Variants in FXR1 observed in about 807,000 individuals in gnomAD.
FXR1 encodes the protein FMR1 autosomal homolog 1, also known as RNA-binding protein FXR1.
A neutral mutation model predicts 84.0 loss-of-function variants in FXR1; 15 were observed. The observed-to-expected ratio is 0.18, with a 90% CI of 0.12 to 0.27. The LOEUF (loss-of-function observed/expected upper bound fraction) is 0.27. FXR1 is among the 10% of genes least tolerant of loss of function. The pLI is 1.00. For missense variants in FXR1, 480 were observed against 774.4 expected (o/e 0.62, Z 4.51); for synonymous variants, 245 against 250.7 (o/e 0.98, Z 0.21).
In FXR1 at chr3:180,977,679, C is replaced by T. The variant is rs1296403193; in HGVS notation, c.*1387C>T. 6.6e-6 allele frequency: 1 copy of T among 152,034 alleles called. No individual in the cohort carries two copies. Among genetic ancestry groups the T allele is most frequent in the African/African-American group, 2.4e-5 (1 of 41,408 alleles). The allele number at this position is 152,034 out of a possible 1,614,324, so 9.4% of individuals were successfully genotyped here. A position where few individuals can be genotyped will look rare whatever the true frequency, so the allele number is the denominator to read the frequency against. On this transcript the variant is annotated 3_prime_UTR_variant, in exon 17 of 17. Coordinates refer to ENST00000357559, the MANE Select transcript of FXR1 (RefSeq NM_005087.4). ...GTTAGACATAGGGGAAGGCTTTGTT[C>T]CACAATATTATATGGACCACTGAAC...
Position 180,981,490 on chromosome 3 carries a change from A to G in FXR1, c.*5198A>G, listed in dbSNP as rs1714606693. 1 of 152,050 alleles carries G rather than the reference A, an allele frequency of 6.6e-6. No individual in the cohort carries two copies. Among genetic ancestry groups the G allele is most frequent in the African/African-American group, 2.4e-5 (1 of 41,436 alleles). 9.4% of individuals were successfully genotyped at this position (152,050 alleles called of 1,614,324 possible). A position where few individuals can be genotyped will look rare whatever the true frequency, so the allele number is the denominator to read the frequency against. ...CCATTATAGCTCACTTCTTACCAAC[A>G]AAGCAGTTTTTATACAGCACCTTAG... On this transcript the variant is annotated 3_prime_UTR_variant, in exon 17 of 17. Coordinates refer to ENST00000357559, the MANE Select transcript of FXR1 (RefSeq NM_005087.4).
intron 1 of FXR1, among the ~76,000 whole-genome samples, chr3:180,916,703 G>A (rs1210198615): frequency 6.6e-6 from 1 of 152,040 alleles, no homozygotes. Flanking sequence ...CACCACGCCC[G>A]ACCATGAGTA....
intron 15 of FXR1, chr3:180,971,208 T>TA: frequency 3.5e-6 from 2 of 568,288 alleles, no homozygotes; most frequent in Non-Finnish European, 5.0e-6. Flanking sequence ...GAAAAAAATG[T>TA]CTATGTCTGC....
rs1440705313 is a variant in FXR1, at chr3:180,942,378, A to C, written c.199-5487A>C. Among the ~76,000 whole-genome samples, 5 of 68,152 alleles carry C rather than the reference A, an allele frequency of 7.3e-5. No individual in the cohort carries two copies. The South Asian group carries it at 2.1e-3, about 28-fold the overall frequency. The allele number at this position is 68,152 out of a possible 152,430, so 44.7% of individuals were successfully genotyped here. On this transcript the variant is annotated intron_variant, in intron 3 of 16. Coordinates refer to ENST00000357559, the MANE Select transcript of FXR1 (RefSeq NM_005087.4). Reference sequence around the variant, plus strand: ...GGGCGACAGAGCGAGACTCCGTCTCAAAAAAAAAAAAAAAAAAAAAAAAAA... The same window carrying C: ...GGGCGACAGAGCGAGACTCCGTCTCCAAAAAAAAAAAAAAAAAAAAAAAAA...
rs1714497894 is a variant in FXR1 at position 180,979,418 on chromosome 3, GT to G, written c.*3130del. On this transcript the variant is annotated 3_prime_UTR_variant, in exon 17 of 17. Transcript: ENST00000357559. ...CTTGGATTTGAACTGTGAATCTACT[GT>G]TTTGGCAAAAAATCTCAAAGAAAAG... 6.6e-6 allele frequency: 1 copy of G among 152,052 alleles called. No individual in the cohort carries two copies. The highest frequency in any genetic ancestry group is 6.6e-5 in the Admixed American group (1 of 15,256). The allele number at this position is 152,052 out of a possible 1,614,324, so 9.4% of individuals were successfully genotyped here.
intron 6 of FXR1, 123 bp downstream of exon 6, chr3:180,948,937 T>C: frequency 1.5e-6 from 1 of 647,066 alleles, no homozygotes; most frequent in Non-Finnish European, 2.8e-6. Flanking sequence ...TAATATAGTG[T>C]GGGAGAAAAA....
chr3:180,964,673 T>TTTTATA (rs148208441), intron 13 of FXR1, among the ~76,000 whole-genome samples: 5 of 136,356 alleles, frequency 3.7e-5, no homozygotes, highest in East Asian at 2.1e-4. Context: ...TGTAGTTGAT[T>TTTTATA]TATATATATA....
In FXR1 at chr3:180,948,344, T is replaced by C. The variant is rs1211943090; in HGVS notation, c.271-3T>C. The C allele has an allele frequency of 1.9e-6, 3 of 1,579,516 alleles. No homozygotes were observed. Among genetic ancestry groups the C allele is most frequent in the Non-Finnish European group, 1.7e-6 (2 of 1,155,738 alleles). ...ATTTTTAAAGTATTTTGATGTCTTT[T>C]AGTTTTATGTCATTGAATATGCTGC... On this transcript the variant is annotated splice_region_variant and splice_polypyrimidine_tract_variant and intron_variant, in intron 4 of 16. Transcript: ENST00000357559.
chr3:180,958,018 A>G, intron 10 of FXR1, 90 bp downstream of exon 10: 1 of 535,910 alleles, frequency 1.9e-6, no homozygotes, highest in Non-Finnish European at 3.4e-6. Context: ...TTTATCTGAT[A>G]CAGAGGGTTT....
At chr3:180,940,879 A>G (rs1224134599) in intron 3 of FXR1, among the ~76,000 whole-genome samples, 1 of 152,084 alleles carries the variant, frequency 6.6e-6, no homozygotes, top group Non-Finnish European at 1.5e-5. Flanking sequence ...CGCAGCCCTG[A>G]TAATGTTTTT....
intron 13 of FXR1, 60 bp from the exon 14 acceptor site, chr3:180,967,990 TG>T (rs1450524115): frequency 3.6e-5 from 38 of 1,055,148 alleles, no homozygotes; most frequent in Non-Finnish European, 4.9e-5. Context: ...GACATAATTT[TG>T]AACATTTTAA....
In FXR1 at chr3:180,953,836, C is replaced by T. The variant is rs767362600; in HGVS notation, c.876C>T (p.Leu292=). Residue 292 remains leucine, a synonymous_variant, in exon 9 of 17, where the codon CTC becomes CTT. Transcript: ENST00000357559. ...ATTTTATTCAGGTTCCTAGGAATCT[C>T]GTTGGTAGGTACTTTTACTAAATGT... The part of the protein sequence containing the change: ...VEDFIQVPRN[L]VGKVIGKNGK... 19 of 1,499,240 alleles carry T rather than the reference C, an allele frequency of 1.3e-5. No individual in the cohort carries two copies. In the East Asian group the frequency reaches 2.7e-4, roughly 21 times the overall value. The allele number at this position is 1,499,240 out of a possible 1,614,324, so 92.9% of individuals were successfully genotyped here.
chr3:180,931,026 C>CAAAAAAAAAAA (rs57731098), intron 1 of FXR1, among the ~76,000 whole-genome samples: 2,099 of 55,466 alleles, frequency 0.038, 261 homozygotes, highest in East Asian at 0.052. Context: ...GAGACTGCCT[C>CAAAAAAAAAAA]AAAAAAAAAA....
chr3:180,976,332 T>C lies in FXR1; in HGVS notation c.*40T>C, dbSNP rs1714243435. The stretch of plus-strand genomic sequence containing the variant: ...TAGTTTACAGTTCTTTTACATTACA[T>C]TTACAATAGTGCTTGTACAAGCTTG... On this transcript the variant is annotated 3_prime_UTR_variant, in exon 17 of 17. Coordinates refer to ENST00000357559, the MANE Select transcript of FXR1 (RefSeq NM_005087.4). The C allele has an allele frequency of 1.6e-5, 22 of 1,338,400 alleles. No homozygotes were observed. The highest frequency in any genetic ancestry group is 2.3e-5 in the Non-Finnish European group (22 of 965,492). 82.9% of individuals were successfully genotyped at this position (1,338,400 alleles called of 1,614,324 possible).
At chr3:180,936,694 A>C (rs1720565164) in intron 3 of FXR1, among the ~76,000 whole-genome samples, 1 of 152,198 alleles carries the variant, frequency 6.6e-6, no homozygotes, top group Non-Finnish European at 1.5e-5. Flanking sequence ...TGGAAGTCAA[A>C]GATAAAAGAG....
intron 3 of FXR1, among the ~76,000 whole-genome samples, chr3:180,943,593 A>C (rs1721372457): frequency 6.6e-6 from 1 of 151,938 alleles, no homozygotes; most frequent in Non-Finnish European, 1.5e-5. Context: ...CAGGCTTAGG[A>C]ATTTAGGTTT....
At chr3:180,970,083 T>A (rs991367304) in intron 14 of FXR1, 75 bp from the exon 15 acceptor site, 17 of 690,536 alleles carry the variant, frequency 2.5e-5, no homozygotes, top group Non-Finnish European at 4.0e-5. Flanking sequence ...GTCATTGATA[T>A]AGTTCAATAT....
intron 3 of FXR1, among the ~76,000 whole-genome samples, chr3:180,941,434 C>T (rs1245843364): frequency 6.6e-6 from 1 of 152,168 alleles, no homozygotes; most frequent in Non-Finnish European, 1.5e-5. Flanking sequence ...CTCAAGCAGT[C>T]ACCCACCTCA....
intron 9 of FXR1, chr3:180,954,236 GT>G (rs1317393293): frequency 6.3e-6 from 1 of 159,266 alleles, no homozygotes; most frequent in Non-Finnish European, 1.4e-5. Context: ...TATTTGTTTT[GT>G]TTAGTGCAGA....
Sources: gnomAD v4.1 joint callset for allele counts (sites outside exome capture counted in the v4.1 genomes callset) on GRCh38, gnomAD v4.1.1 for gene constraint, MANE v1.5 for transcripts, NCBI Gene and HGNC (gene_info 2026-07-23, HGNC 2026-07-21) for gene names.